CSMD3: variants seen among roughly 807,000 people sequenced by gnomAD.
The protein encoded by CSMD3 is CUB and sushi domain-containing protein 3.
CSMD3 carries 177 observed loss-of-function variants against 435.2 expected under a neutral mutation model. The ratio of observed to expected loss-of-function variants is 0.41; its 90% CI spans 0.36 to 0.46. The LOEUF (loss-of-function observed/expected upper bound fraction) is 0.46, where lower values mean the gene tolerates loss of function less well. Ranked by LOEUF, CSMD3 falls within the 20% of genes least tolerant of loss-of-function variation. The pLI, the probability that CSMD3 is intolerant of heterozygous loss-of-function variation, is 0.34. For synonymous variants in CSMD3, 1,656 were observed against 1,520.5 expected, an observed-to-expected ratio of 1.09 and a Z score of -2.07; for missense variants, 4,265 against 4,504.6, an observed-to-expected ratio of 0.95 and a Z score of 1.52.
intron 13 of CSMD3, among the ~76,000 whole-genome samples, chr8:112,698,031 G>A (rs1442124134): frequency 6.6e-6 from 1 of 152,116 alleles, no homozygotes; most frequent in Non-Finnish European, 1.5e-5. Context: ...GGCAGTGGCA[G>A]TGGCACCAGA....
rs756998333 is a variant in CSMD3 at position 112,656,107 on chromosome 8, G to GT, written c.3004+46dup. On this transcript the variant is annotated intron_variant, in intron 18 of 70. Coordinates refer to ENST00000297405, the MANE Select transcript of CSMD3 (RefSeq NM_198123.2). ...TAGTAAAACTATAATAATACAAAAA[G>GT]TAGGGCAAACAGAATGAGGAAATCA... is the stretch of plus-strand genomic sequence containing the variant. 5 of 1,014,932 alleles carry GT rather than the reference G, an allele frequency of 4.9e-6. No individual in the cohort carries two copies. In the East Asian group the frequency reaches 1.2e-4, roughly 24 times the overall value. The allele number at this position is 1,014,932 out of a possible 1,614,324, so 62.9% of individuals were successfully genotyped here. A position where few individuals can be genotyped will look rare whatever the true frequency, so the allele number is the denominator to read the frequency against.
intron 38 of CSMD3, 73 bp from the exon 39 acceptor site, chr8:112,352,607 C>T (rs949673995): frequency 7.5e-5 from 99 of 1,326,712 alleles, no homozygotes; most frequent in Middle Eastern, 4.8e-4. Context: ...TATTAAGTTG[C>T]TAAAATTGAA....
At chr8:113,031,551 T>C (rs1280274257) in intron 5 of CSMD3, among the ~76,000 whole-genome samples, 4 of 151,572 alleles carry the variant, frequency 2.6e-5, no homozygotes, top group Admixed American at 6.6e-5. Context: ...TCTAAAAGGA[T>C]AGCTGAAGGG....
rs777773294 is a variant in CSMD3, at chr8:112,636,856, C to T, written c.3676G>A (p.Gly1226Ser). The stretch of plus-strand genomic sequence containing the variant: ...AGAGGTGCACTCCACACTCGTCGGC[C>T]ACCACCAAGACAGATGATCTCTGAT... ...GTSEIICLGG[G>S]RRVWSAPLPR... is the part of the protein sequence containing the mutation. The change falls in exon 22 of 71, where the codon GGC becomes AGC. Residue 1226 changes from glycine (G) to serine (S), a missense_variant. Coordinates refer to ENST00000297405, the MANE Select transcript of CSMD3 (RefSeq NM_198123.2). 2.5e-6 allele frequency: 4 copies of T among 1,612,018 alleles called. No individual in the cohort carries two copies. Among genetic ancestry groups the T allele is most frequent in the Non-Finnish European group, 3.4e-6 (4 of 1,179,336 alleles).
intron 4 of CSMD3, among the ~76,000 whole-genome samples, chr8:113,143,929 A>G (rs1298830990): frequency 3.3e-5 from 5 of 151,442 alleles, no homozygotes; most frequent in Non-Finnish European, 1.5e-5. Context: ...GCAAGACATT[A>G]TCATTGGTAG....
At chr8:112,519,995 C>T (rs1487495001) in intron 27 of CSMD3, among the ~76,000 whole-genome samples, 2 of 151,956 alleles carry the variant, frequency 1.3e-5, no homozygotes, top group East Asian at 3.9e-4. Flanking sequence ...AGCAGTTATC[C>T]ACCTATTATT....
chr8:112,419,611 A>G (rs1489624095), intron 32 of CSMD3, among the ~76,000 whole-genome samples: 1 of 152,218 alleles, frequency 6.6e-6, no homozygotes, highest in Non-Finnish European at 1.5e-5. Context: ...GACTAAATCC[A>G]TAATATCTAC....
intron 10 of CSMD3, among the ~76,000 whole-genome samples, chr8:112,873,830 A>G (rs955290813): frequency 3.3e-5 from 5 of 151,292 alleles, no homozygotes. Context: ...TGGCTAGCAG[A>G]CTATTTTGTT....
intron 1 of CSMD3, among the ~76,000 whole-genome samples, chr8:113,343,805 C>T (rs1437202229): frequency 1.3e-5 from 2 of 152,104 alleles, no homozygotes; most frequent in Admixed American, 6.6e-5. Context: ...GGTGCGGTGG[C>T]TCATGCCTGT....
intron 13 of CSMD3, among the ~76,000 whole-genome samples, chr8:112,766,734 A>AG (rs2077989356): frequency 6.6e-6 from 1 of 151,806 alleles, no homozygotes; most frequent in Admixed American, 6.6e-5. Flanking sequence ...TGCTATGACC[A>AG]GGGGGCAAGT....
intron 22 of CSMD3, among the ~76,000 whole-genome samples, chr8:112,599,547 C>T (rs1239355588): frequency 6.6e-6 from 1 of 151,960 alleles, no homozygotes; most frequent in Non-Finnish European, 1.5e-5. Flanking sequence ...ATAAATCATG[C>T]TGCTATAAAG....
intron 2 of CSMD3, among the ~76,000 whole-genome samples, chr8:113,286,181 A>G (rs998197439): frequency 2.0e-5 from 3 of 152,134 alleles, no homozygotes; most frequent in African/African-American, 7.2e-5. Flanking sequence ...TGTTTGAAAA[A>G]TCATGCACTT....
At chr8:113,369,899 C>T (rs1340867471) in intron 1 of CSMD3, among the ~76,000 whole-genome samples, 1 of 151,702 alleles carries the variant, frequency 6.6e-6, no homozygotes, top group Non-Finnish European at 1.5e-5. Flanking sequence ...TTACTAGAGG[C>T]TGAGGCAGTG....
chr8:112,764,273 A>C (rs1403275277), intron 13 of CSMD3, among the ~76,000 whole-genome samples: 1 of 151,426 alleles, frequency 6.6e-6, no homozygotes, highest in Non-Finnish European at 1.5e-5. Flanking sequence ...TTTAAGCAAA[A>C]ATTTAAAAAC....
chr8:113,291,276 C>T (rs1371933973), intron 2 of CSMD3, among the ~76,000 whole-genome samples: 1 of 151,648 alleles, frequency 6.6e-6, no homozygotes, highest in Non-Finnish European at 1.5e-5. Context: ...TGACTTTCCC[C>T]ATTATCTGTC....
Position 113,173,888 on chromosome 8 carries a change from A to G in CSMD3, c.543T>C (p.Pro181=), listed in dbSNP as rs774597989. ...EELQSSSCGN[P]GVPPKGVLYG... The stretch of plus-strand genomic sequence containing the variant: ...ATAATACACCTTTGGGTGGAACACC[A>G]GGATTTCCACAAGAGCTACTCTGCA... The change falls in exon 4 of 71, where the codon CCT becomes CCC. Residue 181 remains proline, a synonymous_variant. Transcript: ENST00000297405. The G allele has an allele frequency of 3.1e-6, 5 of 1,613,588 alleles. No homozygotes were observed.
chr8:112,846,428 AG>A (rs1326444194), intron 11 of CSMD3, among the ~76,000 whole-genome samples: 1 of 147,028 alleles, frequency 6.8e-6, no homozygotes, highest in East Asian at 2.0e-4. Flanking sequence ...TTCTTGAGAT[AG>A]GTGTTGCTCT....
intron 13 of CSMD3, among the ~76,000 whole-genome samples, chr8:112,727,303 G>A (rs2076986874): frequency 6.6e-6 from 1 of 151,710 alleles, no homozygotes; most frequent in Non-Finnish European, 1.5e-5. Flanking sequence ...TGAATATACT[G>A]CAATTAATTG....
intron 1 of CSMD3, among the ~76,000 whole-genome samples, chr8:113,335,736 T>C (rs2094069170): frequency 6.6e-6 from 1 of 151,946 alleles, no homozygotes; most frequent in South Asian, 2.1e-4. Flanking sequence ...TACAATGTTG[T>C]GAGTAAAGTG....
Sources: allele counts gnomAD v4.1 joint callset (sites outside exome capture counted in the v4.1 genomes callset), GRCh38; gene constraint gnomAD v4.1.1; transcripts MANE v1.5; gene names NCBI Gene and HGNC (gene_info 2026-07-23, HGNC 2026-07-21).